CUBN: variants seen among roughly 807,000 people sequenced by gnomAD.
CUBN encodes the protein 460 kDa receptor.
CUBN carries 282 observed loss-of-function variants against 405.3 expected under a neutral mutation model. The ratio of observed to expected loss-of-function variants is 0.70; its 90% confidence interval spans 0.63 to 0.77. The LOEUF is 0.77. CUBN is among the 30% of genes least tolerant of loss of function. CUBN has a pLI of 0.00. For missense variants in CUBN, 4,514 were observed against 4,475.2 expected, an observed-to-expected ratio of 1.01 and a Z score of -0.25; for synonymous variants, 1,684 against 1,617.0, an observed-to-expected ratio of 1.04 and a Z score of -0.99.
At chr10:17,047,302 G>C (rs1303526798) in intron 23 of CUBN, 112 bp downstream of exon 23, 1 of 847,930 alleles carries the variant, frequency 1.2e-6, no homozygotes, top group African/African-American at 1.7e-5. Context: ...AAAGTGCACA[G>C]CAGGGAGCTT....
At position 16,928,039 on chromosome 10, in the gene CUBN, GTCCT is replaced by G. The variant is rs2131586108; in HGVS notation, c.6271+114_6271+117del. 2.6e-6 allele frequency: 3 copies of G among 1,143,832 alleles called. No individual in the cohort carries two copies. In the South Asian group the frequency reaches 3.9e-5, roughly 15 times the overall value. 70.9% of individuals were successfully genotyped at this position (1,143,832 alleles called of 1,614,324 possible). A position where few individuals can be genotyped will look rare whatever the true frequency, so the allele number is the denominator to read the frequency against. On this transcript the variant is annotated intron_variant, in intron 41 of 66. Coordinates refer to ENST00000377833, the MANE Select transcript of CUBN (RefSeq NM_001081.4). ...ATCCAGAGCCTGGGCAGAGACCCAT[GTCCT>G]CTGACTTGTCTTGTGTCCTGGTGCC... is the stretch of plus-strand genomic sequence containing the variant.
chr10:16,925,765 C>A lies in CUBN; in HGVS notation c.6281G>T (p.Gly2094Val). The change falls in exon 42 of 67, where the codon GGA becomes GTA. Residue 2094 changes from glycine (G) to valine (V), a missense_variant. Gly to Val is a moderately radical substitution (Grantham distance 109). Around this residue, in one of 5 missense-constraint regions of CUBN, gnomAD observed 1,613 missense variants for 1,542.8 expected, o/e 1.05. Transcript: ENST00000377833. ...FNASFHKSCGGYLHADRGIIT... is the reference protein window; with the variant it reads ...FNASFHKSCGVYLHADRGIIT... ...GATCCCTCTGTCTGCATGCAAATAT[C>A]CACCGCAGCCTTCCCACAAAGAAAC... 6.2e-7 allele frequency: 1 copy of A among 1,613,854 alleles called. No homozygotes were observed. Among genetic ancestry groups the A allele is most frequent in the Non-Finnish European group, 8.5e-7 (1 of 1,179,848 alleles).
chr10:17,049,104 G>C (rs1267519784), intron 22 of CUBN, among the ~76,000 whole-genome samples: 2 of 152,162 alleles, frequency 1.3e-5, no homozygotes, highest in East Asian at 3.8e-4. Flanking sequence ...CAAGTGGAAA[G>C]GAAGGTAGAG....
At chr10:17,021,420 C>T (rs915330713) in intron 27 of CUBN, among the ~76,000 whole-genome samples, 18 of 152,202 alleles carry the variant, frequency 1.2e-4, no homozygotes, top group African/African-American at 3.9e-4. Flanking sequence ...ACCTAATCGC[C>T]TTCATGTTCC....
At chr10:16,878,243 G>A (rs574448660) in intron 56 of CUBN, among the ~76,000 whole-genome samples, 10 of 152,096 alleles carry the variant, frequency 6.6e-5, no homozygotes, top group Non-Finnish European at 1.5e-4. Flanking sequence ...AGCTGAGATC[G>A]CGCCACTTCA....
At chr10:17,061,909 T>C (rs1171623312) in intron 22 of CUBN, among the ~76,000 whole-genome samples, 2 of 152,232 alleles carry the variant, frequency 1.3e-5, no homozygotes, top group Non-Finnish European at 2.9e-5. Flanking sequence ...CTCAGTTGTT[T>C]AGTCTGACTT....
At chr10:17,095,332 A>G (rs1037127882) in intron 14 of CUBN, among the ~76,000 whole-genome samples, 1 of 152,096 alleles carries the variant, frequency 6.6e-6, no homozygotes, top group African/African-American at 2.4e-5. Flanking sequence ...CTATGACATT[A>G]GTCTGAGTAG....
At chr10:16,835,614 T>TTTG (rs1554780033) in intron 63 of CUBN, among the ~76,000 whole-genome samples, 11 of 150,094 alleles carry the variant, frequency 7.3e-5, no homozygotes, top group African/African-American at 2.7e-4. Context: ...TTATTTACCT[T>TTTG]TTTTTTTTTT....
At chr10:16,864,531 T>A (rs1840109527) in intron 59 of CUBN, among the ~76,000 whole-genome samples, 1 of 152,188 alleles carries the variant, frequency 6.6e-6, no homozygotes, top group South Asian at 2.1e-4. Context: ...TTCAAATTGA[T>A]CAGTTTTTTA....
intron 40 of CUBN, 56 bp from the exon 41 acceptor site, chr10:16,928,359 A>G: frequency 6.3e-7 from 1 of 1,589,138 alleles, no homozygotes; most frequent in Non-Finnish European, 8.6e-7. Context: ...CTACTCTACA[A>G]TCATTTGCAG....
intron 54 of CUBN, among the ~76,000 whole-genome samples, chr10:16,890,848 C>T (rs966681882): frequency 2.6e-5 from 4 of 152,086 alleles, no homozygotes; most frequent in African/African-American, 9.7e-5. Flanking sequence ...AGCCGAGCTT[C>T]CCGGGTGCTG....
At chr10:17,050,659 A>G (rs909796661) in intron 22 of CUBN, among the ~76,000 whole-genome samples, 1 of 152,156 alleles carries the variant, frequency 6.6e-6, no homozygotes, top group African/African-American at 2.4e-5. Flanking sequence ...CTCCCATTCC[A>G]GAATGGGGAT....
chr10:16,931,083 C>T (rs982239667), intron 40 of CUBN, among the ~76,000 whole-genome samples: 5 of 150,872 alleles, frequency 3.3e-5, no homozygotes, highest in African/African-American at 4.9e-5. Flanking sequence ...AGTGAAACCC[C>T]ACCTCTACTA....
chr10:16,891,964 C>G (rs556376539), intron 54 of CUBN, among the ~76,000 whole-genome samples: 1 of 152,142 alleles, frequency 6.6e-6, no homozygotes, highest in Non-Finnish European at 1.5e-5. Context: ...GTGTATTAAT[C>G]TTACTTGACT....
intron 28 of CUBN, 84 bp downstream of exon 28, chr10:17,019,749 T>A: frequency 6.6e-7 from 1 of 1,516,134 alleles, no homozygotes; most frequent in Non-Finnish European, 9.2e-7. Context: ...TTCATGGTAT[T>A]GTTTCTAAGT....
intron 40 of CUBN, 40 bp downstream of exon 40, chr10:16,933,047 T>C (rs1482720367): frequency 1.3e-5 from 20 of 1,586,512 alleles, no homozygotes; most frequent in East Asian, 2.2e-5. Flanking sequence ...ACTAATTATG[T>C]GTCAGGGTTG....
chr10:16,955,374 CAAAAAAAAAAA>C (rs59365817), intron 31 of CUBN, among the ~76,000 whole-genome samples: 17 of 68,858 alleles, frequency 2.5e-4, no homozygotes, highest in African/African-American at 4.6e-4. Flanking sequence ...GATTCTGTCT[CAAAAAAAAAAA>C]AAAAAAAAAA....
intron 13 of CUBN, among the ~76,000 whole-genome samples, chr10:17,101,445 G>T (rs1162399590): frequency 6.6e-6 from 1 of 151,978 alleles, no homozygotes; most frequent in Non-Finnish European, 1.5e-5. Context: ...AATTTATTTT[G>T]GAGTTTATTT....
At chr10:16,864,306 A>G (rs1840101014) in intron 59 of CUBN, among the ~76,000 whole-genome samples, 1 of 152,190 alleles carries the variant, frequency 6.6e-6, no homozygotes, top group African/African-American at 2.4e-5. Context: ...ACGAAAAATC[A>G]CTGTAGCATG....
Sources: allele counts gnomAD v4.1 joint callset (sites outside exome capture counted in the v4.1 genomes callset), GRCh38; gene constraint gnomAD v4.1.1; regional missense constraint gnomAD v4.1.1; transcripts MANE v1.5; gene names NCBI Gene and HGNC (gene_info 2026-07-23, HGNC 2026-07-21).